Variants in GRM5 observed in about 807,000 individuals in gnomAD.
The protein encoded by GRM5 is glutamate metabotropic receptor 5, also known as metabotropic glutamate receptor 5.
In GRM5, 19 loss-of-function variants were observed where a neutral mutation model predicts 83.1. The observed-to-expected ratio is 0.23, with a 90% CI of 0.16 to 0.34. The LOEUF (loss-of-function observed/expected upper bound fraction) is 0.34. Ranked by LOEUF, GRM5 falls within the 10% of genes least tolerant of loss-of-function variation. GRM5 has a pLI of 1.00. For missense variants in GRM5, 1,160 were observed against 1,588.3 expected, an observed-to-expected ratio of 0.73 and a Z score of 4.58; for synonymous variants, 675 against 633.6, an observed-to-expected ratio of 1.07 and a Z score of -0.98.
chr11:88,896,526 G>C (rs1357177522), intron 2 of GRM5, among the ~76,000 whole-genome samples: 1 of 151,770 alleles, frequency 6.6e-6, no homozygotes, highest in African/African-American at 2.4e-5. Context: ...AATATAGAGA[G>C]GTTTATTTAT....
chr11:88,863,015 T>TC (rs1405309786), intron 2 of GRM5, among the ~76,000 whole-genome samples: 2 of 152,098 alleles, frequency 1.3e-5, no homozygotes, highest in African/African-American at 2.4e-5. Flanking sequence ...GAAAAAAAGC[T>TC]CAACATCACT....
intron 1 of GRM5, among the ~76,000 whole-genome samples, chr11:89,053,131 G>T (rs1941795081): frequency 6.6e-6 from 1 of 152,098 alleles, no homozygotes; most frequent in Admixed American, 6.5e-5. Context: ...TACAGGAGTT[G>T]CCTTTCAAAC....
At chr11:88,831,622 C>G (rs1351664418) in intron 3 of GRM5, among the ~76,000 whole-genome samples, 1 of 152,192 alleles carries the variant, frequency 6.6e-6, no homozygotes, top group Admixed American at 6.5e-5. Flanking sequence ...GGCAATCGCT[C>G]TGCCCCATCC....
chr11:88,956,789 G>T (rs564194333), intron 2 of GRM5, among the ~76,000 whole-genome samples: 2 of 152,302 alleles, frequency 1.3e-5, no homozygotes, highest in Admixed American at 1.3e-4. Context: ...CTGGGCGAAA[G>T]AATGAGACTC....
chr11:88,734,047 C>G (rs983060853), intron 3 of GRM5, among the ~76,000 whole-genome samples: 2 of 151,922 alleles, frequency 1.3e-5, no homozygotes, highest in African/African-American at 4.8e-5. Flanking sequence ...TTTTAGGTCA[C>G]TATTGATGAA....
At chr11:88,702,412 G>T (rs1353804) in intron 3 of GRM5, among the ~76,000 whole-genome samples, 120,128 of 151,956 alleles carry the variant, frequency 0.79, 51,075 homozygotes, top group Non-Finnish European at 0.96. Flanking sequence ...GTCCTGCTTC[G>T]CTCAGCTCTC....
intron 2 of GRM5, among the ~76,000 whole-genome samples, chr11:88,963,981 G>T (rs532910756): frequency 6.6e-6 from 1 of 152,152 alleles, no homozygotes; most frequent in Non-Finnish European, 1.5e-5. Flanking sequence ...CACAAGAGAT[G>T]AAGGACACTA....
intron 2 of GRM5, among the ~76,000 whole-genome samples, chr11:88,999,207 G>C (rs145172478): frequency 0.021 from 3,124 of 152,210 alleles, 104 homozygotes; most frequent in African/African-American, 0.072. Context: ...AACACCAAAA[G>C]CAATGGCAAC....
At chr11:88,689,945 T>G (rs546085819) in intron 3 of GRM5, among the ~76,000 whole-genome samples, 1 of 152,346 alleles carries the variant, frequency 6.6e-6, no homozygotes, top group East Asian at 1.9e-4. Context: ...GAGATATATT[T>G]AAAGTTCCTT....
At chr11:88,759,224 T>C (rs753843777) in intron 3 of GRM5, among the ~76,000 whole-genome samples, 2 of 151,956 alleles carry the variant, frequency 1.3e-5, no homozygotes, top group Middle Eastern at 3.2e-3. Context: ...TCCACACATA[T>C]CAATACTCAT....
At chr11:88,678,280 A>G (rs1464643545) in intron 3 of GRM5, among the ~76,000 whole-genome samples, 1 of 151,916 alleles carries the variant, frequency 6.6e-6, no homozygotes, top group African/African-American at 2.4e-5. Flanking sequence ...GCTCGTCTTG[A>G]ACTCCTGGGC....
intron 3 of GRM5, among the ~76,000 whole-genome samples, chr11:88,842,870 T>A (rs184858441): frequency 6.6e-6 from 1 of 152,330 alleles, no homozygotes; most frequent in East Asian, 1.9e-4. Flanking sequence ...CCTAGTAGAC[T>A]ACTTTATCTT....
chr11:89,039,109 C>G (rs1452460964), intron 2 of GRM5, among the ~76,000 whole-genome samples: 1 of 151,694 alleles, frequency 6.6e-6, no homozygotes, highest in Non-Finnish European at 1.5e-5. Context: ...ACTAAAAATA[C>G]AAAAAATTAG....
chr11:89,009,921 A>C (rs1382522747), intron 2 of GRM5, among the ~76,000 whole-genome samples: 70 of 141,202 alleles, frequency 5.0e-4, no homozygotes, highest in African/African-American at 1.9e-3. Context: ...AAAAAAAAAA[A>C]AAAAAAAAAC....
In GRM5 at chr11:88,675,123, C is replaced by G. The variant is rs1591432367; in HGVS notation, c.912-21720G>C. ...TCTGGCTGTTTTTCTAACCCCATTTCAGATGCCTTTTATTCTAAGTCTTCT... is the reference window on the plus strand; with the variant it reads ...TCTGGCTGTTTTTCTAACCCCATTTGAGATGCCTTTTATTCTAAGTCTTCT... On this transcript the variant is annotated intron_variant, in intron 3 of 9. Transcript: ENST00000305447. Among the ~76,000 whole-genome samples, 5 of 152,070 alleles carry G rather than the reference C, an allele frequency of 3.3e-5. No individual in the cohort carries two copies. The South Asian group carries it at 1.0e-3, about 32-fold the overall frequency.
intron 4 of GRM5, among the ~76,000 whole-genome samples, chr11:88,644,016 C>A (rs1314022373): frequency 6.6e-6 from 1 of 152,150 alleles, no homozygotes; most frequent in African/African-American, 2.4e-5. Context: ...GTGAGACTAA[C>A]CTTTTTGAAT....
chr11:88,592,355 G>A (rs189000688), intron 6 of GRM5, among the ~76,000 whole-genome samples: 16 of 152,222 alleles, frequency 1.1e-4, no homozygotes, highest in Admixed American at 1.0e-3. Context: ...TTAATAATAT[G>A]CACATAAATG....
At chr11:88,681,694 C>G (rs964425932) in intron 3 of GRM5, among the ~76,000 whole-genome samples, 1 of 149,740 alleles carries the variant, frequency 6.7e-6, no homozygotes, top group African/African-American at 2.5e-5. Context: ...CCTCAGCCTC[C>G]CAAGTAGCTG....
chr11:88,783,831 G>A (rs1943018681), intron 3 of GRM5, among the ~76,000 whole-genome samples: 1 of 151,966 alleles, frequency 6.6e-6, no homozygotes. Flanking sequence ...ACTTTTCAGG[G>A]TTTTAGGAGG....
Sources: gnomAD v4.1 joint callset for allele counts (sites outside exome capture counted in the v4.1 genomes callset) on GRCh38, gnomAD v4.1.1 for gene constraint, MANE v1.5 for transcripts, NCBI Gene and HGNC (gene_info 2026-07-23, HGNC 2026-07-21) for gene names.